Variants in SLC30A4 observed in about 807,000 individuals in gnomAD.
SLC30A4 encodes the protein probable proton-coupled zinc antiporter SLC30A4.
A neutral mutation model predicts 41.7 loss-of-function variants in SLC30A4; 20 were observed. The ratio of observed to expected loss-of-function variants is 0.48; its 90% CI spans 0.34 to 0.70. The LOEUF (loss-of-function observed/expected upper bound fraction) is 0.70. Among genes scored for constraint, SLC30A4 ranks in the 30% least tolerant of loss-of-function variants. The pLI is 0.01. For synonymous variants in SLC30A4, 181 were observed against 195.9 expected (o/e 0.92, Z 0.64); for missense variants, 441 against 529.3 (o/e 0.83, Z 1.64).
chr15:45,486,811 A>T, intron 6 of SLC30A4, 66 bp from the exon 7 acceptor site: 1 of 888,692 alleles, frequency 1.1e-6, no homozygotes, highest in Non-Finnish European at 1.7e-6. Context: ...TACATTACCG[A>T]TGACATTTAT....
chr15:45,485,930 G>T (rs1566874391), intron 7 of SLC30A4, among the ~76,000 whole-genome samples: 1 of 151,874 alleles, frequency 6.6e-6, no homozygotes, highest in East Asian at 1.9e-4. Flanking sequence ...TGTTGGCCAG[G>T]CTGTTCTTGA....
intron 3 of SLC30A4, among the ~76,000 whole-genome samples, chr15:45,498,774 ATAAT>A (rs1476771282): frequency 6.6e-6 from 1 of 152,224 alleles, no homozygotes; most frequent in Non-Finnish European, 1.5e-5. Context: ...TAAGATGTGA[ATAAT>A]TAATAGGCAT....
chr15:45,511,290 A>C lies in SLC30A4; in HGVS notation c.392-6T>G. Reference sequence around the variant, plus strand: ...GCTATTTGCAATGTATCCACCTTAGAGTTACAAGTAGGAGAAAAAAGGAAC... The same window carrying C: ...GCTATTTGCAATGTATCCACCTTAGCGTTACAAGTAGGAGAAAAAAGGAAC... On this transcript the variant is annotated splice_polypyrimidine_tract_variant and splice_region_variant and intron_variant, in intron 2 of 7. Coordinates refer to ENST00000261867, the MANE Select transcript of SLC30A4 (RefSeq NM_013309.6). The C allele has an allele frequency of 6.5e-7, 1 of 1,530,034 alleles. No homozygotes were observed. The highest frequency in any genetic ancestry group is 2.1e-5 in the Admixed American group (1 of 47,466). 94.8% of individuals were successfully genotyped at this position (1,530,034 alleles called of 1,614,324 possible). A position where few individuals can be genotyped will look rare whatever the true frequency, so the allele number is the denominator to read the frequency against.
intron 6 of SLC30A4, among the ~76,000 whole-genome samples, chr15:45,487,212 C>A (rs764146169): frequency 1.3e-5 from 2 of 152,064 alleles, no homozygotes; most frequent in Non-Finnish European, 2.9e-5. Context: ...TGTCCTAGTG[C>A]CACAGTTTAT....
intron 1 of SLC30A4, 39 bp downstream of exon 1, chr15:45,522,568 G>A (rs921981495): frequency 4.1e-6 from 2 of 490,054 alleles, no homozygotes; most frequent in Non-Finnish European, 7.1e-6. Context: ...CCGACGCTCC[G>A]CCGGGGCTCC....
At chr15:45,511,096 AC>A in intron 3 of SLC30A4, 41 bp downstream of exon 3, 2 of 1,511,882 alleles carry the variant, frequency 1.3e-6, no homozygotes, top group Non-Finnish European at 1.8e-6. Flanking sequence ...TTGTGGTTTT[AC>A]TATAAAATAT....
intron 7 of SLC30A4, 141 bp downstream of exon 7, chr15:45,486,470 G>GT: frequency 1.4e-6 from 1 of 730,950 alleles, no homozygotes; most frequent in East Asian, 3.0e-5. Context: ...AAAAGCCTTT[G>GT]TTTTTTAAAG....
Position 45,481,713 on chromosome 15 carries a change from C to T in SLC30A4, c.*3450G>A, listed in dbSNP as rs1020622249. 4.6e-5 allele frequency: 7 copies of T among 152,146 alleles called. No individual in the cohort carries two copies. Among genetic ancestry groups the T allele is most frequent in the East Asian group, 1.9e-4 (1 of 5,196 alleles). 9.4% of individuals were successfully genotyped at this position (152,146 alleles called of 1,614,324 possible). On this transcript the variant is annotated 3_prime_UTR_variant, in exon 8 of 8. Transcript: ENST00000261867. Reference sequence around the variant, plus strand: ...CTCAACAAGTGAAGGATAGACCAAACGCTTTTTGTCAGAAGTCATTCAGTC... The same window carrying T: ...CTCAACAAGTGAAGGATAGACCAAATGCTTTTTGTCAGAAGTCATTCAGTC...
Position 45,485,334 on chromosome 15 carries a change from A to G in SLC30A4, c.1136-17T>C, listed in dbSNP as rs755234648. On this transcript the variant is annotated splice_polypyrimidine_tract_variant and intron_variant, in intron 7 of 7. Transcript: ENST00000261867. ...TTCCAGGAACTGCAATGTCAAGAAA[A>G]TATCATTACTATCCATTGTACAGTT... 2 of 1,575,482 alleles carry G rather than the reference A, an allele frequency of 1.3e-6. No homozygotes were observed. Among genetic ancestry groups the G allele is most frequent in the Non-Finnish European group, 1.7e-6 (2 of 1,150,542 alleles).
intron 2 of SLC30A4, chr15:45,515,759 T>C (rs1004678842): frequency 2.6e-5 from 4 of 151,804 alleles, no homozygotes; most frequent in African/African-American, 9.7e-5. Flanking sequence ...CTTTTTTTTT[T>C]TTCTTTGAGA....
intron 2 of SLC30A4, 142 bp downstream of exon 2, chr15:45,521,822 T>C: frequency 1.3e-6 from 1 of 763,552 alleles, no homozygotes; most frequent in Non-Finnish European, 2.1e-6. Flanking sequence ...TGGAACCGTG[T>C]GGCCTTTTCA....
rs1891597393 is a variant in SLC30A4 at position 45,481,109 on chromosome 15, G to C, written c.*4054C>G. On this transcript the variant is annotated 3_prime_UTR_variant, in exon 8 of 8. Transcript: ENST00000261867. ...AAACACTGTCAGGTGGAACACCTGG[G>C]TTCAAAAGGAACACTAAGTCTCGTA... The C allele has an allele frequency of 6.6e-6, 1 of 152,210 alleles. No homozygotes were observed. Among genetic ancestry groups the C allele is most frequent in the African/African-American group, 2.4e-5 (1 of 41,436 alleles). The allele number at this position is 152,210 out of a possible 1,614,324, so 9.4% of individuals were successfully genotyped here.
chr15:45,485,106 G>C lies in SLC30A4; in HGVS notation c.*57C>G. 7.2e-7 allele frequency: 1 copy of C among 1,391,592 alleles called. No homozygotes were observed. Among genetic ancestry groups the C allele is most frequent in the South Asian group, 1.2e-5 (1 of 81,710 alleles). The allele number at this position is 1,391,592 out of a possible 1,614,324, so 86.2% of individuals were successfully genotyped here. A position where few individuals can be genotyped will look rare whatever the true frequency, so the allele number is the denominator to read the frequency against. ...TTTCTCATTTAGGTTTGCATTTATT[G>C]CTCTCAAGTCTGTGACTGCAGGATA... is the stretch of plus-strand genomic sequence containing the variant. On this transcript the variant is annotated 3_prime_UTR_variant, in exon 8 of 8. Transcript: ENST00000261867.
At chr15:45,518,646 T>G (rs1232330767) in intron 2 of SLC30A4, among the ~76,000 whole-genome samples, 1 of 152,028 alleles carries the variant, frequency 6.6e-6, no homozygotes, top group Non-Finnish European at 1.5e-5. Context: ...CACTGCAACC[T>G]CCACCCCCTG....
chr15:45,483,131 G>C lies in SLC30A4; in HGVS notation c.*2032C>G, dbSNP rs1474626630. 6.6e-6 allele frequency: 1 copy of C among 152,172 alleles called. No individual in the cohort carries two copies. The highest frequency in any genetic ancestry group is 1.5e-5 in the Non-Finnish European group (1 of 68,044). The allele number at this position is 152,172 out of a possible 1,614,324, so 9.4% of individuals were successfully genotyped here. On this transcript the variant is annotated 3_prime_UTR_variant, in exon 8 of 8. Transcript: ENST00000261867. Reference sequence around the variant, plus strand: ...AACAAACATCTACTGGGTTTCATTAGAGGGACCATCAATCCTTTTATTGAC... The same window carrying C: ...AACAAACATCTACTGGGTTTCATTACAGGGACCATCAATCCTTTTATTGAC...
chr15:45,504,127 TTC>T (rs1855321065), intron 3 of SLC30A4, among the ~76,000 whole-genome samples: 1 of 152,154 alleles, frequency 6.6e-6, no homozygotes, highest in Non-Finnish European at 1.5e-5. Context: ...GTAAAGCTAA[TTC>T]TCTATAAGAA....
At chr15:45,513,018 G>A (rs1892345695) in intron 2 of SLC30A4, among the ~76,000 whole-genome samples, 1 of 151,890 alleles carries the variant, frequency 6.6e-6, no homozygotes, top group African/African-American at 2.4e-5. Context: ...AGAAAAATGG[G>A]GCCAGGTGCA....
chr15:45,487,551 C>A lies in SLC30A4; in HGVS notation c.976G>T (p.Asp326Tyr). The change falls in exon 6 of 8, where the codon GAT becomes TAT. Residue 326 changes from aspartate to tyrosine, a missense_variant. Physicochemically the swap from Asp to Tyr is radical, Grantham distance 160. This residue lies in a region of SLC30A4 where 100 missense variants were observed against 121.0 expected (regional missense o/e 0.83). Transcript: ENST00000261867. ...VAFTTFRIIW[D>Y]TVVIILEGVP... ...CCTTCTAGTATTATAACTACTGTAT[C>A]CCATATGATTCGAAATGTTGTAAAA... 6.6e-7 allele frequency: 1 copy of A among 1,519,746 alleles called. No individual in the cohort carries two copies. Among genetic ancestry groups the A allele is most frequent in the Non-Finnish European group, 9.1e-7 (1 of 1,095,218 alleles). The allele number at this position is 1,519,746 out of a possible 1,614,324, so 94.1% of individuals were successfully genotyped here.
At chr15:45,517,848 T>C (rs376067487) in intron 2 of SLC30A4, among the ~76,000 whole-genome samples, 1 of 152,122 alleles carries the variant, frequency 6.6e-6, no homozygotes, top group East Asian at 2.0e-4. Flanking sequence ...CTCAGGAGGC[T>C]GAGGCAGGAG....
Sources: gnomAD v4.1 joint callset for allele counts (sites outside exome capture counted in the v4.1 genomes callset) on GRCh38, gnomAD v4.1.1 for gene constraint, gnomAD v4.1.1 regional missense constraint, MANE v1.5 for transcripts, NCBI Gene and HGNC (gene_info 2026-07-23, HGNC 2026-07-21) for gene names.